MTHFD1L: variants seen among roughly 807,000 people sequenced by gnomAD.
MTHFD1L encodes the protein monofunctional C1-tetrahydrofolate synthase, mitochondrial.
A neutral mutation model predicts 119.5 loss-of-function variants in MTHFD1L; 81 were observed. That is an observed-to-expected ratio of 0.68 (90% confidence interval 0.57 to 0.82). The LOEUF (loss-of-function observed/expected upper bound fraction) is 0.82, where lower values mean the gene tolerates loss of function less well. Ranked by LOEUF, MTHFD1L falls within the 40% of genes least tolerant of loss-of-function variation. The pLI is 0.00. For missense variants in MTHFD1L, 1,125 were observed against 1,253.4 expected (o/e 0.90, Z 1.55); for synonymous variants, 430 against 475.2 (o/e 0.90, Z 1.24).
intron 20 of MTHFD1L, among the ~76,000 whole-genome samples, chr6:150,998,135 TA>T (rs5880910): frequency 0.25 from 38,079 of 152,084 alleles, 4,952 homozygotes; most frequent in African/African-American, 0.31. Context: ...TGTAGTCTAA[TA>T]ATTTTCTATC....
In MTHFD1L at chr6:150,865,749, G is replaced by T; in HGVS notation, c.-74G>T. The T allele has an allele frequency of 1.8e-6, 2 of 1,082,670 alleles. No homozygotes were observed. Among genetic ancestry groups the T allele is most frequent in the Non-Finnish European group, 1.1e-6 (1 of 874,886 alleles). The allele number at this position is 1,082,670 out of a possible 1,614,324, so 67.1% of individuals were successfully genotyped here. Reference sequence around the variant, plus strand: ...GCCGCCGCCGCCGCCGCCGCCGCCTGCTCCCCTGGCACGCGCCCCGCCGCC... The same window carrying T: ...GCCGCCGCCGCCGCCGCCGCCGCCTTCTCCCCTGGCACGCGCCCCGCCGCC... On this transcript the variant is annotated 5_prime_UTR_variant, in exon 1 of 28. Transcript: ENST00000367321.
intron 20 of MTHFD1L, among the ~76,000 whole-genome samples, chr6:150,996,431 A>G (rs1477775358): frequency 6.6e-6 from 1 of 152,106 alleles, no homozygotes; most frequent in Non-Finnish European, 1.5e-5. Flanking sequence ...TACCTCCCAA[A>G]GTGCTGGTAT....
chr6:151,059,718 G>A (rs1417190989), intron 26 of MTHFD1L, among the ~76,000 whole-genome samples: 1 of 152,162 alleles, frequency 6.6e-6, no homozygotes, highest in Admixed American at 6.5e-5. Flanking sequence ...TTCGAAAGTG[G>A]AAATGATGCT....
At chr6:150,997,375 T>TGC (rs146269936) in intron 20 of MTHFD1L, among the ~76,000 whole-genome samples, 19,462 of 152,262 alleles carry the variant, frequency 0.13, 1,337 homozygotes, top group Middle Eastern at 0.23. Context: ...TTTGTTTTCA[T>TGC]GCTACATTTT....
chr6:150,870,010 T>C (rs1400810639), intron 1 of MTHFD1L, among the ~76,000 whole-genome samples: 2 of 152,138 alleles, frequency 1.3e-5, no homozygotes, highest in African/African-American at 4.8e-5. Context: ...CCTCAAATGA[T>C]CCACCCGCCT....
chr6:150,904,422 A>C (rs1247636207), intron 7 of MTHFD1L, among the ~76,000 whole-genome samples: 1 of 152,170 alleles, frequency 6.6e-6, no homozygotes, highest in East Asian at 1.9e-4. Flanking sequence ...GACTGAATTC[A>C]CTAGGAGACA....
intron 27 of MTHFD1L, among the ~76,000 whole-genome samples, chr6:151,101,172 A>C (rs1237186497): frequency 6.6e-6 from 1 of 152,180 alleles, no homozygotes; most frequent in Non-Finnish European, 1.5e-5. Context: ...AAATTAAAAA[A>C]AAATTTTTTT....
intron 26 of MTHFD1L, among the ~76,000 whole-genome samples, chr6:151,066,906 T>A (rs996156558): frequency 6.6e-6 from 1 of 152,156 alleles, no homozygotes; most frequent in African/African-American, 2.4e-5. Context: ...CTAGAGTTAC[T>A]CATCATTTTC....
chr6:151,023,459 G>A (rs572677049), intron 24 of MTHFD1L, among the ~76,000 whole-genome samples: 16 of 152,152 alleles, frequency 1.1e-4, no homozygotes, highest in Admixed American at 2.0e-4. Flanking sequence ...TCTGCTGGCC[G>A]GCAGTATATA....
rs1274841931 is a variant in MTHFD1L, at chr6:151,006,684, C to T, written c.2126-3135C>T. On this transcript the variant is annotated intron_variant, in intron 20 of 27. Coordinates refer to ENST00000367321, the MANE Select transcript of MTHFD1L (RefSeq NM_015440.5). ...TTTTTAGATGTGCTTTTCTGCTACTCTCTTTTTATTTGGTTTGGAGATAGA... is the reference window on the plus strand; with the variant it reads ...TTTTTAGATGTGCTTTTCTGCTACTTTCTTTTTATTTGGTTTGGAGATAGA... Among the ~76,000 whole-genome samples, 9 of 152,226 alleles carry T rather than the reference C, an allele frequency of 5.9e-5. No homozygotes were observed. In the South Asian group the frequency reaches 1.2e-3, roughly 21 times the overall value.
At chr6:150,958,935 A>G (rs1013325289) in intron 17 of MTHFD1L, among the ~76,000 whole-genome samples, 2 of 152,156 alleles carry the variant, frequency 1.3e-5, no homozygotes, top group African/African-American at 4.8e-5. Flanking sequence ...AATATCGATT[A>G]TATATTATTC....
At chr6:151,059,326 T>C (rs1338306947) in intron 26 of MTHFD1L, among the ~76,000 whole-genome samples, 1 of 152,054 alleles carries the variant, frequency 6.6e-6, no homozygotes, top group Non-Finnish European at 1.5e-5. Flanking sequence ...TTTTCCTGCC[T>C]GCGCCACCAC....
At chr6:151,041,297 C>A (rs1184572950) in intron 26 of MTHFD1L, among the ~76,000 whole-genome samples, 4 of 152,316 alleles carry the variant, frequency 2.6e-5, no homozygotes, top group Non-Finnish European at 5.9e-5. Flanking sequence ...TTACTTGACC[C>A]CATTCTGGGC....
At chr6:150,975,648 C>T (rs1325031785) in intron 20 of MTHFD1L, among the ~76,000 whole-genome samples, 1 of 152,206 alleles carries the variant, frequency 6.6e-6, no homozygotes, top group Non-Finnish European at 1.5e-5. Context: ...GTCTGGGCCT[C>T]CTCTGGCTGA....
intron 11 of MTHFD1L, chr6:150,935,118 C>G: frequency 1.9e-6 from 3 of 1,613,800 alleles, no homozygotes; most frequent in Non-Finnish European, 2.5e-6. Flanking sequence ...ACCATACCTA[C>G]CAAAGGATTT....
At chr6:150,957,760 C>T (rs1795850436) in intron 17 of MTHFD1L, among the ~76,000 whole-genome samples, 1 of 152,174 alleles carries the variant, frequency 6.6e-6, no homozygotes. Context: ...CATTTTAAAA[C>T]TTTGAAGTAA....
At chr6:150,947,612 T>A (rs1457794161) in intron 15 of MTHFD1L, among the ~76,000 whole-genome samples, 1 of 152,046 alleles carries the variant, frequency 6.6e-6, no homozygotes, top group South Asian at 2.1e-4. Flanking sequence ...TTTTAATTTT[T>A]TTTTTTCTCC....
chr6:150,889,050 G>T (rs1449777614), intron 7 of MTHFD1L, among the ~76,000 whole-genome samples: 1 of 152,142 alleles, frequency 6.6e-6, no homozygotes, highest in Non-Finnish European at 1.5e-5. Flanking sequence ...GTCGGCGCAA[G>T]CCTGTAATCC....
At chr6:151,081,929 C>G (rs1004204949) in intron 26 of MTHFD1L, among the ~76,000 whole-genome samples, 1 of 152,158 alleles carries the variant, frequency 6.6e-6, no homozygotes, top group Non-Finnish European at 1.5e-5. Flanking sequence ...CTGCTTCCTC[C>G]TCTTCCCATC....
Sources: gnomAD v4.1 joint callset for allele counts (sites outside exome capture counted in the v4.1 genomes callset) on GRCh38, gnomAD v4.1.1 for gene constraint, MANE v1.5 for transcripts, NCBI Gene and HGNC (gene_info 2026-07-23, HGNC 2026-07-21) for gene names.